The following NFE2L3 variants were observed in gnomAD, a reference collection of about 807,000 sequenced individuals.
The protein encoded by NFE2L3 is nuclear factor erythroid 2-related factor 3.
In NFE2L3, 18 loss-of-function variants were observed where a neutral mutation model predicts 23.5. The ratio of observed to expected loss-of-function variants is 0.77; its 90% CI spans 0.53 to 1.13. The LOEUF is 1.13. Among genes scored for constraint, NFE2L3 ranks in the 50% most tolerant of loss-of-function variants. The pLI is 0.00. For synonymous variants in NFE2L3, 424 were observed against 354.5 expected (o/e 1.20, Z -2.20); for missense variants, 1,152 against 877.2 (o/e 1.31, Z -3.96).
intron 1 of NFE2L3, among the ~76,000 whole-genome samples, chr7:26,171,132 C>G (rs1784323113): frequency 6.6e-6 from 1 of 152,192 alleles, no homozygotes; most frequent in Admixed American, 6.5e-5. Context: ...ACACACATAT[C>G]CATTGACCCA....
At position 26,184,685 on chromosome 7, in the gene NFE2L3, A is replaced by AG. The variant is rs1782434041; in HGVS notation, c.988dup (p.Asp330GlyfsTer24). 3 of 1,613,918 alleles carry AG rather than the reference A, an allele frequency of 1.9e-6. No individual in the cohort carries two copies. The East Asian group carries it at 6.7e-5, about 36-fold the overall frequency. On this transcript the variant is annotated frameshift_variant, in exon 4 of 4. Transcript: ENST00000056233. LOFTEE classifies it low-confidence loss of function (END_TRUNC). Reference sequence around the variant, plus strand: ...TTTGTCCCAACAATACATTTAGAAGAGATCCAACAGCAAGGACTTCACAGT... The same window carrying AG: ...TTTGTCCCAACAATACATTTAGAAGAGGATCCAACAGCAAGGACTTCACAGT...
intron 2 of NFE2L3, 71 bp downstream of exon 2, chr7:26,178,193 T>C (rs1443258747): frequency 7.4e-7 from 1 of 1,350,114 alleles, no homozygotes; most frequent in Non-Finnish European, 1.0e-6. Flanking sequence ...TGACAGTTTG[T>C]GTCAAGAATG....
chr7:26,154,255 G>A (rs912810029), intron 1 of NFE2L3, among the ~76,000 whole-genome samples: 3 of 152,154 alleles, frequency 2.0e-5, no homozygotes, highest in Admixed American at 6.5e-5. Context: ...TACTGTGGGA[G>A]GTTCTTCCCC....
chr7:26,183,756 T>C lies in NFE2L3; in HGVS notation c.806T>C (p.Leu269Pro). 6.2e-7 allele frequency: 1 copy of C among 1,613,506 alleles called. No homozygotes were observed. The highest frequency in any genetic ancestry group is 8.5e-7 in the Non-Finnish European group (1 of 1,179,382). Reference protein sequence around the residue: ...SFSLEDLFQLLSSQPENSLEG... With the variant: ...SFSLEDLFQLPSSQPENSLEG... ...TCTCTGGAAGACTTATTCCAGTTGC[T>C]TTCATCACAGCCTGAAAATTCACTG... Residue 269 changes from leucine to proline, a missense_variant, in exon 3 of 4, where the codon CTT becomes CCT. Transcript: ENST00000056233.
intron 1 of NFE2L3, among the ~76,000 whole-genome samples, chr7:26,170,592 G>C (rs1784318230): frequency 2.0e-5 from 3 of 152,176 alleles, no homozygotes. Flanking sequence ...CATGAAATAA[G>C]TTTAAAAAGT....
At position 26,185,427 on chromosome 7, in the gene NFE2L3, T is replaced by C; in HGVS notation, c.1729T>C (p.Ser577Pro). 6.2e-7 allele frequency: 1 copy of C among 1,614,126 alleles called. No individual in the cohort carries two copies. Among genetic ancestry groups the C allele is most frequent in the Non-Finnish European group, 8.5e-7 (1 of 1,179,966 alleles). Residue 577 changes from serine to proline, a missense_variant, in exon 4 of 4, where the codon TCA (serine) becomes CCA (proline). Ser to Pro is a moderately conservative substitution (Grantham distance 74). Coordinates refer to ENST00000056233, the MANE Select transcript of NFE2L3 (RefSeq NM_004289.7). Reference protein sequence around the residue: ...SRYYLTDLQVSLIRDIRRRGK... With the variant: ...SRYYLTDLQVPLIRDIRRRGK... ...ATATTATCTGACAGACCTACAAGTC[T>C]CACTTATCCGTGACATCAGACGAAG...
rs191935454 is a variant in NFE2L3 at position 26,187,086 on chromosome 7, A to G, written c.*1303A>G. ...GGCTAGAGAAATGCAGTTTATATAT[A>G]CCGTTGGATTTTTATAATAAAGTTT... On this transcript the variant is annotated 3_prime_UTR_variant, in exon 4 of 4. Transcript: ENST00000056233. 12 of 152,296 alleles carry G rather than the reference A, an allele frequency of 7.9e-5. No individual in the cohort carries two copies. Among genetic ancestry groups the G allele is most frequent in the Admixed American group, 4.6e-4 (7 of 15,294 alleles). The allele number at this position is 152,296 out of a possible 1,614,324, so 9.4% of individuals were successfully genotyped here. A position where few individuals can be genotyped will look rare whatever the true frequency, so the allele number is the denominator to read the frequency against.
chr7:26,160,303 C>T (rs1784148037), intron 1 of NFE2L3, among the ~76,000 whole-genome samples: 1 of 152,164 alleles, frequency 6.6e-6, no homozygotes, highest in Admixed American at 6.5e-5. Flanking sequence ...CTGAAGCCTG[C>T]CTAGGCTGAG....
intron 1 of NFE2L3, among the ~76,000 whole-genome samples, chr7:26,155,374 G>A (rs1784065502): frequency 1.3e-5 from 2 of 152,150 alleles, no homozygotes; most frequent in African/African-American, 4.8e-5. Context: ...TCTGGGCGGC[G>A]GAGGTTGCAG....
At chr7:26,182,706 A>AT (rs113459044) in intron 2 of NFE2L3, among the ~76,000 whole-genome samples, 8 of 152,182 alleles carry the variant, frequency 5.3e-5, no homozygotes, top group African/African-American at 1.9e-4. Context: ...TTTCAACTAG[A>AT]AAGAGGCTAA....
At chr7:26,163,208 T>C (rs1401386236) in intron 1 of NFE2L3, among the ~76,000 whole-genome samples, 3 of 152,170 alleles carry the variant, frequency 2.0e-5, no homozygotes, top group African/African-American at 7.2e-5. Context: ...AAACCAAGCA[T>C]TGTTCCTTTC....
chr7:26,185,835 G>A lies in NFE2L3; in HGVS notation c.*52G>A. Reference sequence around the variant, plus strand: ...TGTGAAGTAGTAATGTTCAGAAACTGATTATTTGGATCAGAAACCATTGAA... The same window carrying A: ...TGTGAAGTAGTAATGTTCAGAAACTAATTATTTGGATCAGAAACCATTGAA... On this transcript the variant is annotated 3_prime_UTR_variant, in exon 4 of 4. Transcript: ENST00000056233. The A allele has an allele frequency of 1.4e-6, 2 of 1,398,320 alleles. No individual in the cohort carries two copies. Among genetic ancestry groups the A allele is most frequent in the East Asian group, 4.8e-5 (2 of 41,478 alleles). The allele number at this position is 1,398,320 out of a possible 1,614,324, so 86.6% of individuals were successfully genotyped here.
chr7:26,185,755 AGGAAACCCAAAAG>A lies in NFE2L3; in HGVS notation c.2063_2075del (p.Thr688ArgfsTer14), dbSNP rs781253976. ...GAACTGGTGGCCTCAGGCCACAAAA[AGGAAACCCAAAAG>A]GGAAAGAGAAAGTGAGAAGAAACTG... On this transcript the variant is annotated frameshift_variant, in exon 4 of 4. Coordinates refer to ENST00000056233, the MANE Select transcript of NFE2L3 (RefSeq NM_004289.7). LOFTEE classifies it high-confidence loss of function. 1 of 1,584,966 alleles carries A rather than the reference AGGAAACCCAAAAG, an allele frequency of 6.3e-7. No homozygotes were observed. The highest frequency in any genetic ancestry group is 8.5e-7 in the Non-Finnish European group (1 of 1,172,812).
In NFE2L3 at chr7:26,181,593, T is replaced by TA. The variant is rs536598502; in HGVS notation, c.751-2108_751-2107insA. ...GTCTGGAAAATGATATAAACACTGG[T>TA]TCTTGAAAAGAAAAATGCAAAACTG... On this transcript the variant is annotated intron_variant, in intron 2 of 3. Coordinates refer to ENST00000056233, the MANE Select transcript of NFE2L3 (RefSeq NM_004289.7). 9.2e-5 allele frequency among the ~76,000 whole-genome samples: 14 copies of TA among 152,212 alleles called. No individual in the cohort carries two copies. The South Asian group carries it at 2.9e-3, about 32-fold the overall frequency.
Position 26,185,020 on chromosome 7 carries a change from T to A in NFE2L3, c.1322T>A (p.Val441Glu), listed in dbSNP as rs2072129. 219 of 1,613,846 alleles carry A rather than the reference T, an allele frequency of 1.4e-4. 2 individuals carry two copies. In the East Asian group the frequency reaches 4.0e-3, roughly 30 times the overall value. Reference sequence around the variant, plus strand: ...ATCAAGTCTAATTCCTCTCACTCTGTGTGTGATGAAGGTGCTATAGGTTAT... The same window carrying A: ...ATCAAGTCTAATTCCTCTCACTCTGAGTGTGATGAAGGTGCTATAGGTTAT... Reference protein sequence around the residue: ...SVIKSNSSHSVCDEGAIGYCT... With the variant: ...SVIKSNSSHSECDEGAIGYCT... The change falls in exon 4 of 4, where the codon GTG (valine) becomes GAG (glutamate). Residue 441 changes from valine to glutamate, a missense_variant. Transcript: ENST00000056233.
intron 2 of NFE2L3, among the ~76,000 whole-genome samples, chr7:26,178,404 C>T (rs918603775): frequency 2.6e-5 from 4 of 152,130 alleles, no homozygotes; most frequent in South Asian, 2.1e-4. Context: ...GTTATGTTTG[C>T]CAAGGCAAGT....
At chr7:26,154,298 T>TGTCTCA (rs896408657) in intron 1 of NFE2L3, among the ~76,000 whole-genome samples, 1 of 152,228 alleles carries the variant, frequency 6.6e-6, no homozygotes, top group Non-Finnish European at 1.5e-5. Flanking sequence ...CCATGGGGTC[T>TGTCTCA]GTCTCACCTA....
In NFE2L3 at chr7:26,186,850, A is replaced by G. The variant is rs1191763284; in HGVS notation, c.*1067A>G. ...TAGAAATAATAGCATTTGAAATGAAAACCTCACTTAAGTTCACTAGAACAG... is the reference window on the plus strand; with the variant it reads ...TAGAAATAATAGCATTTGAAATGAAGACCTCACTTAAGTTCACTAGAACAG... On this transcript the variant is annotated 3_prime_UTR_variant, in exon 4 of 4. Transcript: ENST00000056233. The G allele has an allele frequency of 6.6e-6, 1 of 152,222 alleles. No individual in the cohort carries two copies. The highest frequency in any genetic ancestry group is 6.5e-5 in the Admixed American group (1 of 15,286). 9.4% of individuals were successfully genotyped at this position (152,222 alleles called of 1,614,324 possible).
At chr7:26,162,506 C>T (rs1784188360) in intron 1 of NFE2L3, among the ~76,000 whole-genome samples, 2 of 151,986 alleles carry the variant, frequency 1.3e-5, no homozygotes, top group Non-Finnish European at 2.9e-5. Flanking sequence ...CAAAAAACAT[C>T]ATGTATTTTG....
Sources: gnomAD v4.1 joint callset for allele counts (sites outside exome capture counted in the v4.1 genomes callset) on GRCh38, gnomAD v4.1.1 for gene constraint, MANE v1.5 for transcripts, NCBI Gene and HGNC (gene_info 2026-07-23, HGNC 2026-07-21) for gene names.